Variants in KALRN observed in about 807,000 individuals in gnomAD.
KALRN encodes kalirin RhoGEF kinase.
In KALRN, 70 loss-of-function variants were observed where a neutral mutation model predicts 353.7. The ratio of observed to expected loss-of-function variants is 0.20; its 90% CI spans 0.16 to 0.24. KALRN has a LOEUF of 0.24. Ranked by LOEUF, KALRN falls within the 10% of genes least tolerant of loss-of-function variation. The pLI, the probability that KALRN is intolerant of heterozygous loss-of-function variation, is 1.00. For missense variants in KALRN, 2,791 were observed against 3,756.7 expected (o/e 0.74, Z 6.72); for synonymous variants, 1,391 against 1,434.8 (o/e 0.97, Z 0.69).
chr3:124,666,403 G>C (rs76992353), intron 45 of KALRN, 46 bp from the exon 46 acceptor site: 179 of 1,571,610 alleles, frequency 1.1e-4, no homozygotes, highest in East Asian at 1.1e-3. Flanking sequence ...GCAGTGGCTC[G>C]CTCCCCATTT....
Position 124,665,520 on chromosome 3 carries a change from A to T in KALRN, c.6346-929A>T, listed in dbSNP as rs144583777. On this transcript the variant is annotated intron_variant, in intron 45 of 59. Transcript: ENST00000682506. ...CACTCTGTTGCCCAGGTTGGAGTGC[A>T]GTGGTGCAGTTTTGGCTCACCACAA... 3.3e-3 allele frequency among the ~76,000 whole-genome samples: 502 copies of T among 152,258 alleles called. 2 individuals carry two copies. The highest frequency in any genetic ancestry group is 5.8e-3 in the Non-Finnish European group (397 of 68,010).
At chr3:124,658,380 C>A in intron 41 of KALRN, 51 bp from the exon 42 acceptor site, 1 of 1,424,364 alleles carries the variant, frequency 7.0e-7, no homozygotes. Flanking sequence ...TGAGATTGAA[C>A]AAAAGACACA....
At chr3:124,398,062 C>G (rs570920762) in intron 12 of KALRN, among the ~76,000 whole-genome samples, 2 of 152,334 alleles carry the variant, frequency 1.3e-5, no homozygotes, top group East Asian at 3.9e-4. Flanking sequence ...GGGCCACCAG[C>G]CTAAATGTAT....
intron 33 of KALRN, among the ~76,000 whole-genome samples, chr3:124,524,458 G>A (rs567006068): frequency 6.6e-6 from 1 of 152,314 alleles, no homozygotes; most frequent in South Asian, 2.1e-4. Context: ...GGGTCATAAA[G>A]CTTGGATGAC....
intron 1 of KALRN, among the ~76,000 whole-genome samples, chr3:124,177,945 T>G (rs2073016438): frequency 6.6e-6 from 1 of 152,130 alleles, no homozygotes; most frequent in East Asian, 1.9e-4. Context: ...CATGCAAGTG[T>G]TTTAGAAAGT....
intron 1 of KALRN, among the ~76,000 whole-genome samples, chr3:124,086,309 T>TTGTGTGTG (rs59443298): frequency 0.039 from 5,465 of 141,778 alleles, 99 homozygotes; most frequent in Middle Eastern, 0.062. Flanking sequence ...GGTTGTTTTG[T>TTGTGTGTG]TGTGTGTGTG....
intron 33 of KALRN, among the ~76,000 whole-genome samples, chr3:124,558,054 T>C (rs1313615321): frequency 6.6e-6 from 1 of 151,956 alleles, no homozygotes; most frequent in East Asian, 1.9e-4. Flanking sequence ...TTGAGGGAGG[T>C]CTGAGTCACC....
At chr3:124,134,130 A>G (rs1168826397) in intron 1 of KALRN, among the ~76,000 whole-genome samples, 2 of 152,234 alleles carry the variant, frequency 1.3e-5, no homozygotes, top group Non-Finnish European at 2.9e-5. Context: ...ATTTCAAACT[A>G]TACTATAAGG....
At chr3:124,196,920 C>A (rs184254056) in intron 1 of KALRN, among the ~76,000 whole-genome samples, 28 of 152,232 alleles carry the variant, frequency 1.8e-4, no homozygotes, top group Non-Finnish European at 2.2e-4. Flanking sequence ...TGCTCATTTA[C>A]AGATGAGGAA....
chr3:124,060,490 G>A (rs941647124), intron 1 of KALRN, among the ~76,000 whole-genome samples: 3 of 152,172 alleles, frequency 2.0e-5, no homozygotes, highest in African/African-American at 7.2e-5. Context: ...AGGGGCCAGT[G>A]CAAACCTCCA....
At chr3:124,664,371 G>GTGTGTGTGCGCGCGCGCGCGTGCA (rs780486751) in intron 45 of KALRN, among the ~76,000 whole-genome samples, 14 of 77,042 alleles carry the variant, frequency 1.8e-4, no homozygotes, top group African/African-American at 1.3e-3. Flanking sequence ...GTGTGTGTGT[G>GTGTGTGTGCGCGCGCGCGCGTGCA]CGCGCGCGCG....
At chr3:124,654,460 T>C (rs941839551) in intron 38 of KALRN, among the ~76,000 whole-genome samples, 1 of 152,232 alleles carries the variant, frequency 6.6e-6, no homozygotes. Flanking sequence ...CTCAGAACTT[T>C]ATCATTTCTG....
At chr3:124,615,356 A>G (rs2149604493) in intron 34 of KALRN, among the ~76,000 whole-genome samples, 1 of 152,366 alleles carries the variant, frequency 6.6e-6, no homozygotes, top group South Asian at 2.1e-4. Context: ...TTCTCTATGA[A>G]GGACATTATT....
chr3:124,553,506 A>G (rs771965004), intron 33 of KALRN, among the ~76,000 whole-genome samples: 1 of 152,208 alleles, frequency 6.6e-6, no homozygotes, highest in East Asian at 1.9e-4. Flanking sequence ...CACAGTCCAT[A>G]CAGTAGACAA....
chr3:124,064,758 C>T, intron 1 of KALRN, among the ~76,000 whole-genome samples: 1 of 152,180 alleles, frequency 6.6e-6, no homozygotes, highest in South Asian at 2.1e-4. Context: ...TAGCTCTCTG[C>T]ATCTGGAATG....
chr3:124,281,639 A>G (rs2075355279), intron 5 of KALRN, among the ~76,000 whole-genome samples: 1 of 152,148 alleles, frequency 6.6e-6, no homozygotes, highest in Non-Finnish European at 1.5e-5. Flanking sequence ...GCCCTGTTGG[A>G]GGTGCTCTTT....
At chr3:124,674,714 T>G in intron 49 of KALRN, 100 bp downstream of exon 49, 1 of 1,244,716 alleles carries the variant, frequency 8.0e-7, no homozygotes, top group South Asian at 1.6e-5. Context: ...GGTAGGGAAT[T>G]ACTACTGCTT....
chr3:124,429,011 A>G (rs1436723258), intron 15 of KALRN, among the ~76,000 whole-genome samples: 1 of 152,206 alleles, frequency 6.6e-6, no homozygotes, highest in South Asian at 2.1e-4. Flanking sequence ...TCCATTTCCC[A>G]AAGAGATGAG....
rs78774966 is a variant in KALRN, at chr3:124,636,828, G to A, written c.5569-380G>A. Among the ~76,000 whole-genome samples, 117 of 152,228 alleles carry A rather than the reference G, an allele frequency of 7.7e-4. 1 individual carries two copies. The highest frequency in any genetic ancestry group is 2.6e-3 in the African/African-American group (110 of 41,536). ...ATCCTTCACACCCCAAAACAGCAAC[G>A]GGCAGCTGTGTAGTGGCCAAAGTCT... is the stretch of plus-strand genomic sequence containing the variant. On this transcript the variant is annotated intron_variant, in intron 36 of 59. Coordinates refer to ENST00000682506, the MANE Select transcript of KALRN (RefSeq NM_001388419.1).
Sources: allele counts gnomAD v4.1 joint callset (sites outside exome capture counted in the v4.1 genomes callset), GRCh38; gene constraint gnomAD v4.1.1; transcripts MANE v1.5; gene names NCBI Gene and HGNC (gene_info 2026-07-23, HGNC 2026-07-21).